ATP5PO: variants seen among roughly 807,000 people sequenced by gnomAD.
The protein encoded by ATP5PO is ATP synthase peripheral stalk subunit OSCP, mitochondrial.
In ATP5PO, 14 loss-of-function variants were observed where a neutral mutation model predicts 26.2. The observed-to-expected ratio is 0.53, with a 90% CI of 0.35 to 0.83. The LOEUF (loss-of-function observed/expected upper bound fraction) is 0.83, where lower values mean the gene tolerates loss of function less well. Ranked by LOEUF, ATP5PO falls within the 40% of genes least tolerant of loss-of-function variation. ATP5PO has a pLI of 0.01. For synonymous variants in ATP5PO, 106 were observed against 95.1 expected (o/e 1.12, Z -0.67); for missense variants, 241 against 258.5 (o/e 0.93, Z 0.46).
Position 33,903,970 on chromosome 21 carries a change from G to C in ATP5PO, c.493C>G (p.Leu165Val), listed in dbSNP as rs201327860. 11 of 1,613,474 alleles carry C rather than the reference G, an allele frequency of 6.8e-6. No homozygotes were observed. Among genetic ancestry groups the C allele is most frequent in the Non-Finnish European group, 9.3e-6 (11 of 1,179,768 alleles). ...SELKTVLKSFLSQGQVLKLEA... is the reference protein window; with the variant it reads ...SELKTVLKSFVSQGQVLKLEA... ...AATTTCAATACTTGGCCTTGACTTA[G>C]GAAGCTCTTGAGGACAGTTTTTAAT... The change falls in exon 6 of 7, where the codon CTA (leucine) becomes GTA (valine). Residue 165 changes from leucine to valine, a missense_variant. Leu to Val is a conservative substitution (Grantham distance 32). This residue lies in a region of ATP5PO where 77 missense variants were observed against 74.5 expected (regional missense o/e 1.03). Transcript: ENST00000290299.
In ATP5PO at chr21:33,912,288, C is replaced by T. The variant is rs772564305; in HGVS notation, c.198+1G>A. On this transcript the variant is annotated splice_donor_variant, in intron 3 of 6. Coordinates refer to ENST00000290299, the MANE Select transcript of ATP5PO (RefSeq NM_001697.3). LOFTEE classifies it high-confidence loss of function. ...ATGTAATGAATAGGAAAGCTACTTA[C>T]TGCTACTCTCAACAACTCCTTTTCT... 1 of 1,606,800 alleles carries T rather than the reference C, an allele frequency of 6.2e-7. No individual in the cohort carries two copies. The highest frequency in any genetic ancestry group is 1.7e-5 in the Admixed American group (1 of 59,584).
Position 33,915,743 on chromosome 21 carries a change from G to A in ATP5PO, c.21C>T (p.Ser7=), listed in dbSNP as rs896967780. The A allele has an allele frequency of 9.5e-6, 15 of 1,576,420 alleles. No homozygotes were observed. The highest frequency in any genetic ancestry group is 4.6e-5 in the East Asian group (2 of 43,040). ...TTTCTCTCACCTGCCGGGAGAGCCC[G>A]GACACTGCTGGGGCAGCCATCTTCT... The part of the protein sequence containing the change: MAAPAV[S]GLSRQVRCFS... The change falls in exon 1 of 7, where the codon TCC becomes TCT. Residue 7 remains serine, a synonymous_variant. Transcript: ENST00000290299.
intron 5 of ATP5PO, among the ~76,000 whole-genome samples, chr21:33,905,049 CTTT>C (rs1002627769): frequency 3.3e-5 from 5 of 152,032 alleles, no homozygotes; most frequent in African/African-American, 1.2e-4. Context: ...CTAAAAAGGC[CTTT>C]TTTTAACTTG....
chr21:33,914,404 C>A, intron 2 of ATP5PO, 46 bp downstream of exon 2: 1 of 1,576,312 alleles, frequency 6.3e-7, no homozygotes, highest in South Asian at 1.1e-5. Context: ...GTTTGACTCA[C>A]ACTTTCGCGT....
chr21:33,911,368 T>C (rs1289871272), intron 3 of ATP5PO, among the ~76,000 whole-genome samples: 1 of 152,212 alleles, frequency 6.6e-6, no homozygotes, highest in East Asian at 1.9e-4. Context: ...GCCCCTTTAC[T>C]AACTCTGCTG....
rs1264667681 is a variant in ATP5PO at position 33,909,161 on chromosome 21, C to T, written c.249G>A (p.Val83=). The T allele has an allele frequency of 6.2e-7, 1 of 1,613,822 alleles. No individual in the cohort carries two copies. The highest frequency in any genetic ancestry group is 1.7e-5 in the Admixed American group (1 of 60,024). Residue 83 remains valine, a synonymous_variant, in exon 4 of 7, where the codon GTG becomes GTA. Transcript: ENST00000290299. ...KVAASVLNPY[V]KRSIKVKSLN... ...GGCTTTTCACTTTAATGGAACGCTT[C>T]ACATAGGGATTCAAAACAGAAGCAG...
intron 2 of ATP5PO, 44 bp from the exon 3 acceptor site, chr21:33,912,443 T>C (rs1303303772): frequency 5.7e-6 from 8 of 1,401,102 alleles, no homozygotes; most frequent in Non-Finnish European, 8.0e-6. Context: ...AAAAGGAAAA[T>C]CAGTTAATAG....
Position 33,906,000 on chromosome 21 carries a change from C to T in ATP5PO, c.441+1341G>A, listed in dbSNP as rs564754515. Among the ~76,000 whole-genome samples the T allele has an allele frequency of 9.9e-5, 15 of 151,392 alleles. 1 individual carries two copies. The East Asian group carries it at 2.5e-3, about 25-fold the overall frequency. ...GCACCAGTGCTTCATGATGGGTGAC[C>T]GTGGGGCAGGTGAATGTCTAATCTG... On this transcript the variant is annotated intron_variant, in intron 5 of 6. Coordinates refer to ENST00000290299, the MANE Select transcript of ATP5PO (RefSeq NM_001697.3).
At chr21:33,909,318 T>C (rs1987218092) in intron 3 of ATP5PO, 107 bp from the exon 4 acceptor site, 1 of 1,306,380 alleles carries the variant, frequency 7.7e-7, no homozygotes, top group African/African-American at 1.5e-5. Context: ...TCTTGCTCCG[T>C]CGCTCAGGCT....
intron 3 of ATP5PO, among the ~76,000 whole-genome samples, chr21:33,912,054 C>A (rs2148607221): frequency 6.6e-6 from 1 of 152,196 alleles, no homozygotes; most frequent in Admixed American, 6.5e-5. Context: ...ATATTTCTAC[C>A]TTTTCTTAGC....
intron 2 of ATP5PO, among the ~76,000 whole-genome samples, 169 bp from the exon 3 acceptor site, chr21:33,912,568 T>C (rs1241712652): frequency 6.6e-6 from 1 of 152,252 alleles, no homozygotes; most frequent in East Asian, 1.9e-4. Flanking sequence ...TGCAAATAAA[T>C]TAGCGATGTT....
chr21:33,907,202 A>G, intron 5 of ATP5PO, 139 bp downstream of exon 5: 1 of 722,830 alleles, frequency 1.4e-6, no homozygotes, highest in Non-Finnish European at 2.3e-6. Context: ...AGAAGCTGAT[A>G]TAAAAATGAA....
intron 2 of ATP5PO, among the ~76,000 whole-genome samples, chr21:33,913,754 G>A (rs1241241978): frequency 6.6e-6 from 1 of 152,064 alleles, no homozygotes; most frequent in Non-Finnish European, 1.5e-5. Context: ...GGAACATGGA[G>A]AACTGCATTA....
At chr21:33,912,620 A>G (rs1156320931) in intron 2 of ATP5PO, among the ~76,000 whole-genome samples, 2 of 152,202 alleles carry the variant, frequency 1.3e-5, no homozygotes, top group Admixed American at 6.5e-5. Context: ...CCAATTCCTC[A>G]TCTGTAAAAT....
chr21:33,906,560 T>C, intron 5 of ATP5PO: 1 of 388,824 alleles, frequency 2.6e-6, no homozygotes, highest in South Asian at 1.9e-5. Flanking sequence ...CTGAATAACA[T>C]AATAAAGCAC....
intron 3 of ATP5PO, among the ~76,000 whole-genome samples, chr21:33,911,605 A>G (rs1181894147): frequency 1.3e-5 from 2 of 152,004 alleles, no homozygotes; most frequent in Non-Finnish European, 2.9e-5. Context: ...TCATGAAAAC[A>G]AATTCTCAGT....
Position 33,903,610 on chromosome 21 carries a change from A to T in ATP5PO, c.558T>A (p.Ile186=). Residue 186 remains isoleucine, a synonymous_variant, in exon 7 of 7, where the codon ATT becomes ATA. Transcript: ENST00000290299. ...CAACATATTTCTCGCCAATGCGCAC[A>T]ATCATTCCACCCAAGATTGACGGAT... ...KTDPSILGGM[I]VRIGEKYVDM... is the part of the protein sequence containing the mutation. 1 of 1,614,214 alleles carries T rather than the reference A, an allele frequency of 6.2e-7. No homozygotes were observed. Among genetic ancestry groups the T allele is most frequent in the Non-Finnish European group, 8.5e-7 (1 of 1,180,032 alleles).
chr21:33,914,066 C>A (rs1029298452), intron 2 of ATP5PO, among the ~76,000 whole-genome samples: 1 of 152,096 alleles, frequency 6.6e-6, no homozygotes, highest in South Asian at 2.1e-4. Context: ...GCGTGAGCCA[C>A]CGCGCCCAGC....
intron 5 of ATP5PO, among the ~76,000 whole-genome samples, chr21:33,905,933 A>G (rs1174137474): frequency 1.3e-5 from 2 of 151,078 alleles, no homozygotes; most frequent in South Asian, 2.1e-4. Context: ...AAAAAAAAAA[A>G]AAAAAGAAAA....
Sources: gnomAD v4.1 joint callset for allele counts (sites outside exome capture counted in the v4.1 genomes callset) on GRCh38, gnomAD v4.1.1 for gene constraint, gnomAD v4.1.1 regional missense constraint, MANE v1.5 for transcripts, NCBI Gene and HGNC (gene_info 2026-07-23, HGNC 2026-07-21) for gene names.